The following GLDC variants were observed in gnomAD, a reference collection of about 807,000 sequenced individuals.
GLDC encodes glycine dehydrogenase (decarboxylating), mitochondrial.
GLDC carries 104 observed loss-of-function variants against 121.3 expected under a neutral mutation model. The observed-to-expected ratio is 0.86, with a 90% confidence interval of 0.73 to 1.01. GLDC has a LOEUF of 1.01. Among genes scored for constraint, GLDC ranks in the 50% least tolerant of loss-of-function variants. The probability of loss-of-function intolerance (pLI) is 0.00; values close to 1 mark genes in which losing one functional copy is unlikely to be tolerated. For synonymous variants in GLDC, 546 were observed against 480.6 expected, an observed-to-expected ratio of 1.14 and a Z score of -1.78; for missense variants, 1,429 against 1,306.6, an observed-to-expected ratio of 1.09 and a Z score of -1.44.
chr9:6,553,700 A>C (rs1031589796), intron 19 of GLDC, among the ~76,000 whole-genome samples, 191 bp from the exon 20 acceptor site: 6 of 152,102 alleles, frequency 3.9e-5, no homozygotes, highest in African/African-American at 1.4e-4. Context: ...GTGGAGGTCC[A>C]CCAGCCATCA....
intron 9 of GLDC, among the ~76,000 whole-genome samples, chr9:6,593,272 T>A (rs1175362154): frequency 2.0e-5 from 3 of 150,486 alleles, no homozygotes; most frequent in African/African-American, 7.3e-5. Context: ...GTATCAGATA[T>A]ATATATATAT....
chr9:6,536,084 G>A lies in GLDC; in HGVS notation c.2818C>T (p.Pro940Ser), dbSNP rs559923220. Reference sequence around the variant, plus strand: ...CGCACCTTCAGCGGATTGACCCTGGGGTCGATGCGGCCCTCCTCAATGTCA... The same window carrying A: ...CGCACCTTCAGCGGATTGACCCTGGAGTCGATGCGGCCCTCCTCAATGTCA... ...IADIEEGRIDPRVNPLKMSPH... is the reference protein window; with the variant it reads ...IADIEEGRIDSRVNPLKMSPH... The change falls in exon 23 of 25, where the codon CCC becomes TCC. Residue 940 changes from proline to serine, a missense_variant. Pro to Ser is a moderately conservative substitution (Grantham distance 74, BLOSUM62 -1). Coordinates refer to ENST00000321612, the MANE Select transcript of GLDC (RefSeq NM_000170.3). The A allele has an allele frequency of 5.6e-6, 9 of 1,613,734 alleles. No individual in the cohort carries two copies. In the East Asian group the frequency reaches 6.7e-5, roughly 12 times the overall value.
chr9:6,628,462 A>C (rs1819292693), intron 2 of GLDC, among the ~76,000 whole-genome samples: 1 of 152,214 alleles, frequency 6.6e-6, no homozygotes, highest in Non-Finnish European at 1.5e-5. Context: ...CCAGGGGGGA[A>C]AGAGACCAAA....
chr9:6,582,453 G>A (rs1818189370), intron 15 of GLDC, among the ~76,000 whole-genome samples: 1 of 152,058 alleles, frequency 6.6e-6, no homozygotes, highest in African/African-American at 2.4e-5. Context: ...CCTGGGAGGT[G>A]GAGGCTGCAG....
rs760263601 is a variant in GLDC, at chr9:6,532,899, A to G, written c.*118T>C. On this transcript the variant is annotated 3_prime_UTR_variant, in exon 25 of 25. Transcript: ENST00000321612. Reference sequence around the variant, plus strand: ...ATTTACCTTGACAGAGATTACAGAGATATACACAGTATATAAAACTCCTAC... The same window carrying G: ...ATTTACCTTGACAGAGATTACAGAGGTATACACAGTATATAAAACTCCTAC... 2 of 791,736 alleles carry G rather than the reference A, an allele frequency of 2.5e-6. No homozygotes were observed. Among genetic ancestry groups the G allele is most frequent in the South Asian group, 1.4e-5 (1 of 73,752 alleles). The allele number at this position is 791,736 out of a possible 1,614,324, so 49.0% of individuals were successfully genotyped here.
chr9:6,533,172 A>G lies in GLDC; in HGVS notation c.2920-12T>C. On this transcript the variant is annotated splice_polypyrimidine_tract_variant and intron_variant, in intron 24 of 24. Coordinates refer to ENST00000321612, the MANE Select transcript of GLDC (RefSeq NM_000170.3). Reference sequence around the variant, plus strand: ...GGTTTCACGAAGGGCTGCAAAGGACAAAAGATGGAAATGCTGTGAGATGTT... The same window carrying G: ...GGTTTCACGAAGGGCTGCAAAGGACGAAAGATGGAAATGCTGTGAGATGTT... 1.2e-6 allele frequency: 2 copies of G among 1,613,060 alleles called. No individual in the cohort carries two copies. The highest frequency in any genetic ancestry group is 2.2e-5 in the East Asian group (1 of 44,874).
In GLDC at chr9:6,637,216, C is replaced by T. The variant is rs1819522386; in HGVS notation, c.334+7398G>A. ...GGTCAGGAGTTCGAAACCAGCCTGG[C>T]CAACATGGTGAAACCCCGTCTCTAC... On this transcript the variant is annotated intron_variant, in intron 2 of 24. Coordinates refer to ENST00000321612, the MANE Select transcript of GLDC (RefSeq NM_000170.3). 2.0e-5 allele frequency among the ~76,000 whole-genome samples: 3 copies of T among 151,934 alleles called. No homozygotes were observed. The South Asian group carries it at 6.2e-4, about 31-fold the overall frequency.
intron 11 of GLDC, among the ~76,000 whole-genome samples, chr9:6,589,633 C>T (rs1818338709): frequency 6.6e-6 from 1 of 152,084 alleles, no homozygotes; most frequent in Non-Finnish European, 1.5e-5. Flanking sequence ...CACCATGCCG[C>T]CCAGGCTGGT....
chr9:6,599,720 C>CAAAAAAAAAAAAAAAAA (rs549444099), intron 8 of GLDC, among the ~76,000 whole-genome samples: 1 of 120,772 alleles, frequency 8.3e-6, no homozygotes, highest in African/African-American at 3.3e-5. Flanking sequence ...GACTCCATCT[C>CAAAAAAAAAAAAAAAAA]AAAAAAAAAA....
At chr9:6,545,505 G>A (rs138729169) in intron 21 of GLDC, among the ~76,000 whole-genome samples, 1 of 152,196 alleles carries the variant, frequency 6.6e-6, no homozygotes, top group Admixed American at 6.5e-5. Context: ...GAGTCAGTGA[G>A]TGAGTGGTGA....
intron 15 of GLDC, among the ~76,000 whole-genome samples, chr9:6,572,500 CG>C (rs2129782946): frequency 6.6e-6 from 1 of 152,254 alleles, no homozygotes; most frequent in African/African-American, 2.4e-5. Flanking sequence ...GGGAGAGACA[CG>C]GTCCTACACT....
At chr9:6,543,337 T>C (rs936706501) in intron 21 of GLDC, among the ~76,000 whole-genome samples, 18 of 152,092 alleles carry the variant, frequency 1.2e-4, no homozygotes, top group African/African-American at 4.3e-4. Context: ...GGAAGCTCAC[T>C]GCTCGGAATG....
At chr9:6,561,418 G>A (rs1817757081) in intron 16 of GLDC, among the ~76,000 whole-genome samples, 1 of 152,172 alleles carries the variant, frequency 6.6e-6, no homozygotes, top group Admixed American at 6.5e-5. Flanking sequence ...GGAGGCTGAG[G>A]CAGGCGGTTC....
At chr9:6,590,494 T>C (rs981283823) in intron 11 of GLDC, among the ~76,000 whole-genome samples, 4 of 152,122 alleles carry the variant, frequency 2.6e-5, no homozygotes, top group African/African-American at 9.7e-5. Flanking sequence ...GAGAAGTGAT[T>C]GTTAAAAAGA....
intron 8 of GLDC, among the ~76,000 whole-genome samples, chr9:6,595,821 C>G (rs532704959): frequency 1.3e-5 from 2 of 152,114 alleles, no homozygotes; most frequent in Admixed American, 6.6e-5. Flanking sequence ...AATACAAAAC[C>G]CTGTCTCTGC....
intron 21 of GLDC, among the ~76,000 whole-genome samples, chr9:6,547,992 GC>G (rs1817433383): frequency 6.6e-6 from 1 of 152,052 alleles, no homozygotes; most frequent in South Asian, 2.1e-4. Flanking sequence ...AAATAAATTA[GC>G]CAGGTGTGGC....
chr9:6,551,030 T>C (rs1817505498), intron 20 of GLDC, 116 bp from the exon 21 acceptor site: 2 of 770,370 alleles, frequency 2.6e-6, no homozygotes, highest in Non-Finnish European at 4.7e-6. Context: ...CAGCCCACCA[T>C]GACTCTGGAG....
intron 18 of GLDC, 133 bp from the exon 19 acceptor site, chr9:6,554,914 C>A: frequency 1.4e-6 from 1 of 729,640 alleles, no homozygotes; most frequent in Non-Finnish European, 2.5e-6. Flanking sequence ...ATGGTGTTCA[C>A]AGAAATGTCC....
chr9:6,605,200 G>A lies in GLDC; in HGVS notation c.792C>T (p.Phe264=). Residue 264 remains phenylalanine, a synonymous_variant, in exon 6 of 25, where the codon TTC becomes TTT. Coordinates refer to ENST00000321612, the MANE Select transcript of GLDC (RefSeq NM_000170.3). ...FSGKDVSGVL[F]QYPDTEGKVE... ...CCTTCCCCTCCGTGTCTGGGTACTG[G>A]AACAACACTCCACTGACATCTTTTC... 1.9e-6 allele frequency: 3 copies of A among 1,613,576 alleles called. No homozygotes were observed. Among genetic ancestry groups the A allele is most frequent in the Non-Finnish European group, 2.5e-6 (3 of 1,179,674 alleles).
Sources: gnomAD v4.1 joint callset for allele counts (sites outside exome capture counted in the v4.1 genomes callset) on GRCh38, gnomAD v4.1.1 for gene constraint, MANE v1.5 for transcripts, NCBI Gene and HGNC (gene_info 2026-07-23, HGNC 2026-07-21) for gene names.